The following RPS6KA3 variants were observed in gnomAD, a reference collection of about 807,000 sequenced individuals.
RPS6KA3 encodes ribosomal protein S6 kinase alpha-3.
RPS6KA3 carries 4 observed loss-of-function variants against 67.2 expected under a neutral mutation model. The ratio of observed to expected loss-of-function variants is 0.06; its 90% CI spans 0.03 to 0.14. The LOEUF (loss-of-function observed/expected upper bound fraction) is 0.14. Ranked by LOEUF, RPS6KA3 falls within the 10% of genes least tolerant of loss-of-function variation. RPS6KA3 has a pLI of 1.00. For missense variants in RPS6KA3, 204 were observed against 559.0 expected, an observed-to-expected ratio of 0.36 and a Z score of 6.40; for synonymous variants, 182 against 183.7, an observed-to-expected ratio of 0.99 and a Z score of 0.07.
chrX:20,188,040 C>T, intron 8 of RPS6KA3, 70 bp from the exon 9 acceptor site: 2 of 965,449 alleles, frequency 2.1e-6, no homozygotes, highest in Non-Finnish European at 2.9e-6. Flanking sequence ...TGAGTTCTGA[C>T]ATTAATCATT....
rs987924796 is a variant in RPS6KA3, at chrX:20,154,426, C to T, written c.*972G>A. On this transcript the variant is annotated 3_prime_UTR_variant, in exon 22 of 22. Coordinates refer to ENST00000379565, the MANE Select transcript of RPS6KA3 (RefSeq NM_004586.3). ...TTACCTGTTGCTAAATTTTCCTTCA[C>T]CCATCTCCTTACCATGACTCTTAAA... 1 of 112,258 alleles carries T rather than the reference C, an allele frequency of 8.9e-6. No homozygotes were observed. Among genetic ancestry groups the T allele is most frequent in the African/African-American group, 3.2e-5 (1 of 30,877 alleles). 9.3% of individuals were successfully genotyped at this position (112,258 alleles called of 1,213,427 possible). A position where few individuals can be genotyped will look rare whatever the true frequency, so the allele number is the denominator to read the frequency against.
intron 15 of RPS6KA3, among the ~76,000 whole-genome samples, chrX:20,172,503 T>TA (rs1315062695): frequency 9.0e-6 from 1 of 110,883 alleles, no homozygotes; most frequent in Non-Finnish European, 1.9e-5. Flanking sequence ...TCACTTGAGG[T>TA]AAAAAAAGAA....
At chrX:20,238,740 C>T (rs1167742004) in intron 1 of RPS6KA3, among the ~76,000 whole-genome samples, 1 of 111,301 alleles carries the variant, frequency 9.0e-6, no homozygotes, top group East Asian at 2.8e-4. Flanking sequence ...TTTAAAGCAG[C>T]GAGCCAACAT....
intron 5 of RPS6KA3, 33 bp downstream of exon 5, chrX:20,195,032 C>A (rs753081507): frequency 1.1e-6 from 1 of 925,175 alleles, no homozygotes; most frequent in Admixed American, 2.2e-5. Flanking sequence ...GGGATGAGGT[C>A]AAGGGATGAT....
chrX:20,253,703 A>C (rs1000881187), intron 1 of RPS6KA3, among the ~76,000 whole-genome samples: 1 of 111,917 alleles, frequency 8.9e-6, no homozygotes, highest in African/African-American at 3.3e-5. Flanking sequence ...TGTACTACAG[A>C]AAACTGCTGT....
chrX:20,212,231 C>T (rs7053038), intron 2 of RPS6KA3, among the ~76,000 whole-genome samples: 1,513 of 112,016 alleles, frequency 0.014, 24 homozygotes, highest in African/African-American at 0.046. Context: ...GACACGGTGG[C>T]TCATGCCTGT....
intron 2 of RPS6KA3, among the ~76,000 whole-genome samples, chrX:20,212,517 A>G (rs1322406748): frequency 9.0e-6 from 1 of 110,836 alleles, no homozygotes; most frequent in African/African-American, 3.3e-5. Context: ...AACAACAACA[A>G]CAACAAAAAG....
Position 20,155,526 on chromosome X carries a change from C to G in RPS6KA3, c.2101-6G>C. 2 of 1,210,329 alleles carry G rather than the reference C, an allele frequency of 1.7e-6. No individual in the cohort carries two copies. Among genetic ancestry groups the G allele is most frequent in the Non-Finnish European group, 2.2e-6 (2 of 894,498 alleles). On this transcript the variant is annotated splice_polypyrimidine_tract_variant and splice_region_variant and intron_variant, in intron 21 of 21. Coordinates refer to ENST00000379565, the MANE Select transcript of RPS6KA3 (RefSeq NM_004586.3). Reference sequence around the variant, plus strand: ...TATGTAGCTGCCATGGCACCCTGAACAAAGGAAATAAAGGTAGTAACAAAA... The same window carrying G: ...TATGTAGCTGCCATGGCACCCTGAAGAAAGGAAATAAAGGTAGTAACAAAA...
intron 1 of RPS6KA3, among the ~76,000 whole-genome samples, chrX:20,261,821 A>C (rs903479881): frequency 8.9e-6 from 1 of 112,118 alleles, no homozygotes; most frequent in African/African-American, 3.2e-5. Flanking sequence ...CTGAGATCTG[A>C]TATCTCCAGG....
chrX:20,167,247 A>G (rs781461820), intron 17 of RPS6KA3, among the ~76,000 whole-genome samples: 42 of 112,293 alleles, frequency 3.7e-4, no homozygotes, highest in African/African-American at 1.3e-3. Context: ...CCTTTTATAC[A>G]TGAATACAAA....
At chrX:20,223,458 A>G (rs754923678) in intron 2 of RPS6KA3, among the ~76,000 whole-genome samples, 2 of 111,733 alleles carry the variant, frequency 1.8e-5, no homozygotes, top group Non-Finnish European at 3.8e-5. Flanking sequence ...TCCCAAGGCT[A>G]TTGGTATACT....
chrX:20,178,679 C>T (rs187746034), intron 10 of RPS6KA3, among the ~76,000 whole-genome samples: 1 of 79,967 alleles, frequency 1.3e-5, no homozygotes, highest in East Asian at 4.1e-4. Context: ...TGGAGTTTTG[C>T]CATGTTGACT....
intron 7 of RPS6KA3, among the ~76,000 whole-genome samples, chrX:20,191,074 T>C (rs1485177325): frequency 9.0e-6 from 1 of 110,573 alleles, no homozygotes; most frequent in Admixed American, 9.7e-5. Context: ...CCTGTGTCCA[T>C]GTGTTCTCAT....
At chrX:20,191,571 C>T (rs909512580) in intron 7 of RPS6KA3, among the ~76,000 whole-genome samples, 3 of 111,208 alleles carry the variant, frequency 2.7e-5, no homozygotes, top group African/African-American at 9.8e-5. Context: ...TTCTAACTGG[C>T]GTGAGATGGT....
chrX:20,245,946 C>T (rs751892516), intron 1 of RPS6KA3, among the ~76,000 whole-genome samples: 2 of 109,238 alleles, frequency 1.8e-5, no homozygotes, highest in Non-Finnish European at 3.8e-5. Context: ...GGTGAAACCC[C>T]GTCTCTACTA....
intron 1 of RPS6KA3, among the ~76,000 whole-genome samples, chrX:20,244,520 C>T (rs1176490216): frequency 8.9e-6 from 1 of 112,242 alleles, no homozygotes; most frequent in African/African-American, 3.2e-5. Flanking sequence ...CTCACTGAAT[C>T]CCAATTAATA....
At position 20,156,091 on chromosome X, in the gene RPS6KA3, C is replaced by A; in HGVS notation, c.2100+18G>T. 1 of 1,209,123 alleles carries A rather than the reference C, an allele frequency of 8.3e-7. No individual in the cohort carries two copies. Among genetic ancestry groups the A allele is most frequent in the South Asian group, 1.8e-5 (1 of 56,902 alleles). On this transcript the variant is annotated intron_variant, in intron 21 of 21. Transcript: ENST00000379565. ...CTGGAGGACCTGTGGAAAACAGTGA[C>A]TGTATGGGGCTGCTCACCTTTACTA... is the stretch of plus-strand genomic sequence containing the variant.
chrX:20,162,161 C>T (rs1383527599), intron 19 of RPS6KA3, among the ~76,000 whole-genome samples: 2 of 108,464 alleles, frequency 1.8e-5, no homozygotes, highest in African/African-American at 6.7e-5. Flanking sequence ...CATGATGAAA[C>T]ATTGTCTCAA....
chrX:20,177,618 GCT>G (rs1401565597), intron 10 of RPS6KA3, among the ~76,000 whole-genome samples: 3 of 112,078 alleles, frequency 2.7e-5, no homozygotes, highest in Admixed American at 1.9e-4. Context: ...CCTAGTTCTG[GCT>G]CTGTTACTAA....
Sources: allele counts gnomAD v4.1 joint callset (sites outside exome capture counted in the v4.1 genomes callset), GRCh38; gene constraint gnomAD v4.1.1; transcripts MANE v1.5; gene names NCBI Gene and HGNC (gene_info 2026-07-23, HGNC 2026-07-21).